Variants in NDC1 observed in about 807,000 individuals in gnomAD.
The protein encoded by NDC1 is nucleoporin NDC1.
Under a neutral mutation model 89.8 loss-of-function variants are expected in NDC1, and 24 were observed. That is an observed-to-expected ratio of 0.27 (90% confidence interval 0.19 to 0.38). The LOEUF is 0.38. Ranked by LOEUF, NDC1 falls within the 10% of genes least tolerant of loss-of-function variation. The probability of loss-of-function intolerance (pLI) is 1.00; values close to 1 mark genes in which losing one functional copy is unlikely to be tolerated. For missense variants in NDC1, 728 were observed against 797.6 expected, an observed-to-expected ratio of 0.91 and a Z score of 1.05; for synonymous variants, 296 against 284.8, an observed-to-expected ratio of 1.04 and a Z score of -0.39.
chr1:53,803,007 C>A (rs1450509189), intron 10 of NDC1, among the ~76,000 whole-genome samples: 4 of 152,116 alleles, frequency 2.6e-5, no homozygotes, highest in African/African-American at 9.7e-5. Flanking sequence ...AATCTCCCAT[C>A]TAGAGAGTAG....
chr1:53,820,009 T>C (rs190120253), intron 5 of NDC1, among the ~76,000 whole-genome samples: 12 of 151,996 alleles, frequency 7.9e-5, no homozygotes, highest in Admixed American at 6.6e-4. Flanking sequence ...ATCCTAGCAC[T>C]TTGGGAGGCC....
chr1:53,835,635 A>G lies in NDC1; in HGVS notation c.58-15T>C, dbSNP rs374149292. The G allele has an allele frequency of 2.9e-5, 47 of 1,597,060 alleles. No individual in the cohort carries two copies. Among genetic ancestry groups the G allele is most frequent in the Middle Eastern group, 1.7e-4 (1 of 5,982 alleles). ...CAGCCCAAAACCTATAAACAAAAAG[A>G]AAAACCCTCACTCATGAAGTCAGTT... On this transcript the variant is annotated splice_polypyrimidine_tract_variant and intron_variant, in intron 1 of 17. Coordinates refer to ENST00000371429, the MANE Select transcript of NDC1 (RefSeq NM_018087.5).
intron 5 of NDC1, among the ~76,000 whole-genome samples, chr1:53,822,211 A>G (rs976363071): frequency 2.0e-5 from 3 of 152,178 alleles, no homozygotes; most frequent in Admixed American, 1.3e-4. Context: ...GCGCACGCCT[A>G]TAGTCCCAGC....
intron 13 of NDC1, among the ~76,000 whole-genome samples, chr1:53,794,859 G>A (rs146250803): frequency 3.0e-4 from 46 of 152,214 alleles, no homozygotes; most frequent in South Asian, 4.2e-4. Context: ...CTGAGCAACA[G>A]ACAGACCAAG....
chr1:53,835,986 T>A (rs1649220060), intron 1 of NDC1, among the ~76,000 whole-genome samples: 1 of 152,224 alleles, frequency 6.6e-6, no homozygotes, highest in Non-Finnish European at 1.5e-5. Flanking sequence ...TAACTGTATT[T>A]ATAATCATCA....
At position 53,825,948 on chromosome 1, in the gene NDC1, A is replaced by C; in HGVS notation, c.456-12T>G. Reference sequence around the variant, plus strand: ...CAGGGCTACCAAAGCTGAAGGGAAAAAATTAAGTTATTAATTCAACAGTCA... The same window carrying C: ...CAGGGCTACCAAAGCTGAAGGGAAACAATTAAGTTATTAATTCAACAGTCA... On this transcript the variant is annotated splice_polypyrimidine_tract_variant and intron_variant, in intron 4 of 17. Coordinates refer to ENST00000371429, the MANE Select transcript of NDC1 (RefSeq NM_018087.5). The C allele has an allele frequency of 1.2e-6, 2 of 1,609,854 alleles. No individual in the cohort carries two copies. Among genetic ancestry groups the C allele is most frequent in the Non-Finnish European group, 1.7e-6 (2 of 1,178,708 alleles).
chr1:53,831,515 A>C (rs1420253464), intron 3 of NDC1, among the ~76,000 whole-genome samples: 3 of 151,804 alleles, frequency 2.0e-5, no homozygotes, highest in African/African-American at 7.3e-5. Flanking sequence ...TCTTCTAAAA[A>C]TACAAAAATT....
intron 17 of NDC1, 45 bp from the exon 18 acceptor site, chr1:53,768,078 A>T (rs1647081527): frequency 7.4e-7 from 1 of 1,356,112 alleles, no homozygotes; most frequent in Admixed American, 1.9e-5. Flanking sequence ...TTTTACATTA[A>T]GCATATTAAG....
intron 3 of NDC1, among the ~76,000 whole-genome samples, chr1:53,830,824 T>G (rs547664741): frequency 6.6e-6 from 1 of 151,582 alleles, no homozygotes; most frequent in Admixed American, 6.6e-5. Context: ...ATCACGCCAT[T>G]GCACTCCAGC....
intron 14 of NDC1, among the ~76,000 whole-genome samples, 178 bp from the exon 15 acceptor site, chr1:53,789,374 C>T (rs1647409892): frequency 6.6e-6 from 1 of 152,208 alleles, no homozygotes; most frequent in Admixed American, 6.5e-5. Flanking sequence ...TATAATAAAG[C>T]ACTCTACCAT....
In NDC1 at chr1:53,767,808, C is replaced by T; in HGVS notation, c.*162G>A. On this transcript the variant is annotated 3_prime_UTR_variant, in exon 18 of 18. Transcript: ENST00000371429. Reference sequence around the variant, plus strand: ...TTTTCAGTTATTCTGTTGAGAATTTCTTTCCATGATTTCTCCCATTAAAGT... The same window carrying T: ...TTTTCAGTTATTCTGTTGAGAATTTTTTTCCATGATTTCTCCCATTAAAGT... The T allele has an allele frequency of 2.2e-6, 1 of 448,068 alleles. No individual in the cohort carries two copies. Among genetic ancestry groups the T allele is most frequent in the Non-Finnish European group, 4.0e-6 (1 of 251,146 alleles). The allele number at this position is 448,068 out of a possible 1,614,324, so 27.8% of individuals were successfully genotyped here. A position where few individuals can be genotyped will look rare whatever the true frequency, so the allele number is the denominator to read the frequency against.
rs750445957 is a variant in NDC1, at chr1:53,787,269, A to G, written c.1700-11T>C. On this transcript the variant is annotated splice_polypyrimidine_tract_variant and intron_variant, in intron 15 of 17. Coordinates refer to ENST00000371429, the MANE Select transcript of NDC1 (RefSeq NM_018087.5). ...CTAAGTGCGACAGACCTCAAGGGAAAAAAAAAAAAGGTTAAAAGTCAATCA... is the reference window on the plus strand; with the variant it reads ...CTAAGTGCGACAGACCTCAAGGGAAGAAAAAAAAAGGTTAAAAGTCAATCA... 1.3e-6 allele frequency: 2 copies of G among 1,495,666 alleles called. No individual in the cohort carries two copies. The highest frequency in any genetic ancestry group is 2.3e-5 in the East Asian group (1 of 43,914). 92.6% of individuals were successfully genotyped at this position (1,495,666 alleles called of 1,614,324 possible). A position where few individuals can be genotyped will look rare whatever the true frequency, so the allele number is the denominator to read the frequency against.
chr1:53,818,635 G>A (rs1648557303), intron 6 of NDC1, among the ~76,000 whole-genome samples: 1 of 152,138 alleles, frequency 6.6e-6, no homozygotes. Flanking sequence ...GACTATTTTA[G>A]ATACCTCATA....
chr1:53,786,499 T>C (rs746957001), intron 16 of NDC1, among the ~76,000 whole-genome samples: 1 of 152,230 alleles, frequency 6.6e-6, no homozygotes, highest in Non-Finnish European at 1.5e-5. Flanking sequence ...TTTATCTGCA[T>C]GGGTCATTTA....
intron 4 of NDC1, 144 bp from the exon 5 acceptor site, chr1:53,826,080 T>TA: frequency 1.3e-6 from 1 of 764,356 alleles, no homozygotes; most frequent in Non-Finnish European, 2.1e-6. Flanking sequence ...TCGTTTTCAG[T>TA]AAGTGTGAAC....
At chr1:53,831,994 T>G (rs911178978) in intron 3 of NDC1, among the ~76,000 whole-genome samples, 6 of 152,200 alleles carry the variant, frequency 3.9e-5, no homozygotes, top group Non-Finnish European at 5.9e-5. Flanking sequence ...AAATCACAGC[T>G]TTAATACTAG....
At chr1:53,784,341 T>C (rs1647254782) in intron 16 of NDC1, among the ~76,000 whole-genome samples, 1 of 152,168 alleles carries the variant, frequency 6.6e-6, no homozygotes, top group Non-Finnish European at 1.5e-5. Context: ...AGAATCATTC[T>C]CTCTGAAGAA....
intron 16 of NDC1, among the ~76,000 whole-genome samples, chr1:53,781,633 C>A (rs568359338): frequency 6.6e-6 from 1 of 152,180 alleles, no homozygotes; most frequent in South Asian, 2.1e-4. Context: ...TAGAACAGTT[C>A]CACACAATTG....
Position 53,818,991 on chromosome 1 carries a change from C to T in NDC1, c.683G>A (p.Cys228Tyr). ...CTTACCAAGAAAATAATATAAAATG[C>T]AGAAATTTCTAACCAGGAACAGTGA... is the stretch of plus-strand genomic sequence containing the variant. ...VESLFLVRNF[C>Y]ILYYFLGYIP... Residue 228 changes from cysteine (C) to tyrosine (Y), a missense_variant, in exon 6 of 18, where the codon TGC (cysteine) becomes TAC (tyrosine). By Grantham distance (194) the Cys-to-Tyr change is radical. Transcript: ENST00000371429. 5 of 1,530,670 alleles carry T rather than the reference C, an allele frequency of 3.3e-6. No individual in the cohort carries two copies. Among genetic ancestry groups the T allele is most frequent in the Non-Finnish European group, 4.4e-6 (5 of 1,125,434 alleles). The allele number at this position is 1,530,670 out of a possible 1,614,324, so 94.8% of individuals were successfully genotyped here.
Sources: gnomAD v4.1 joint callset for allele counts (sites outside exome capture counted in the v4.1 genomes callset) on GRCh38, gnomAD v4.1.1 for gene constraint, MANE v1.5 for transcripts, NCBI Gene and HGNC (gene_info 2026-07-23, HGNC 2026-07-21) for gene names.